TSHZ2: variants seen among roughly 807,000 people sequenced by gnomAD.
TSHZ2 encodes teashirt homolog 2.
A neutral mutation model predicts 74.4 loss-of-function variants in TSHZ2; 21 were observed. The observed-to-expected ratio is 0.28, with a 90% CI of 0.20 to 0.41. The LOEUF (loss-of-function observed/expected upper bound fraction) is 0.41. TSHZ2 is among the 10% of genes least tolerant of loss of function. The pLI, the probability that TSHZ2 is intolerant of heterozygous loss-of-function variation, is 1.00. For synonymous variants in TSHZ2, 540 were observed against 515.3 expected, an observed-to-expected ratio of 1.05 and a Z score of -0.65; for missense variants, 1,244 against 1,293.5, an observed-to-expected ratio of 0.96 and a Z score of 0.59.
chr20:53,226,785 C>T (rs1989696575), intron 1 of TSHZ2, among the ~76,000 whole-genome samples: 1 of 152,016 alleles, frequency 6.6e-6, no homozygotes, highest in South Asian at 2.1e-4. Flanking sequence ...CCAGTAGCAC[C>T]CCCATTCCTA....
chr20:53,371,032 C>T lies in TSHZ2; in HGVS notation c.*8+114461C>T, dbSNP rs544195767. ...GGTGTTCCTTGGGTTGCGGCCGCAT[C>T]GCTCCAGCTTCTGCTTCCTTGTTCA... On this transcript the variant is annotated intron_variant, in intron 2 of 2. Coordinates refer to ENST00000371497, the MANE Select transcript of TSHZ2 (RefSeq NM_173485.6). Among the ~76,000 whole-genome samples, 20 of 152,308 alleles carry T rather than the reference C, an allele frequency of 1.3e-4. No homozygotes were observed. In the South Asian group the frequency reaches 4.1e-3, roughly 32 times the overall value.
intron 1 of TSHZ2, among the ~76,000 whole-genome samples, chr20:53,053,342 C>T (rs1984537293): frequency 6.6e-6 from 1 of 151,980 alleles, no homozygotes; most frequent in Admixed American, 6.6e-5. Flanking sequence ...ACTTTTGTTC[C>T]TTGCCAATGA....
chr20:53,217,423 C>A (rs1042012218), intron 1 of TSHZ2, among the ~76,000 whole-genome samples: 1 of 152,074 alleles, frequency 6.6e-6, no homozygotes, highest in Non-Finnish European at 1.5e-5. Flanking sequence ...ATGTGGCTCA[C>A]AAGCAGAAAG....
intron 1 of TSHZ2, among the ~76,000 whole-genome samples, chr20:53,021,226 C>T (rs1257111952): frequency 6.6e-6 from 1 of 152,078 alleles, no homozygotes; most frequent in Non-Finnish European, 1.5e-5. Context: ...ATAACTGAAC[C>T]ACTTTGGATT....
chr20:53,046,480 A>G (rs1030055812), intron 1 of TSHZ2, among the ~76,000 whole-genome samples: 3 of 152,128 alleles, frequency 2.0e-5, no homozygotes, highest in Non-Finnish European at 4.4e-5. Context: ...TGACAGAGAT[A>G]TTATCACCCT....
At chr20:53,168,559 T>C (rs1988115507) in intron 1 of TSHZ2, 1 of 152,212 alleles carries the variant, frequency 6.6e-6, no homozygotes, top group Non-Finnish European at 1.5e-5. Flanking sequence ...TTCCATGACA[T>C]ACTCTGAAAG....
intron 2 of TSHZ2, among the ~76,000 whole-genome samples, chr20:53,265,025 G>A (rs1990683048): frequency 6.6e-6 from 1 of 152,190 alleles, no homozygotes; most frequent in African/African-American, 2.4e-5. Context: ...CCGAAGGCGA[G>A]AGCAGGCCTG....
rs895751545 is a variant in TSHZ2, at chr20:53,255,068, G to A, written c.1610G>A (p.Ser537Asn). Reference protein sequence around the residue: ...AINKAQNGAPSWSAYPSIHAA... With the variant: ...AINKAQNGAPNWSAYPSIHAA... Reference sequence around the variant, plus strand: ...AACAAAGCCCAAAACGGGGCCCCCAGCTGGAGTGCCTACCCCAGCATCCAC... The same window carrying A: ...AACAAAGCCCAAAACGGGGCCCCCAACTGGAGTGCCTACCCCAGCATCCAC... Residue 537 changes from serine to asparagine, a missense_variant, in exon 2 of 3, where the codon AGC (serine) becomes AAC (asparagine). Physicochemically the swap from Ser to Asn is conservative, Grantham distance 46 (BLOSUM62 1). Transcript: ENST00000371497. The surrounding 1 kb of genome is among the most constrained non-coding windows in gnomAD (Gnocchi z 4.1). 6.2e-7 allele frequency: 1 copy of A among 1,614,158 alleles called. No individual in the cohort carries two copies. The highest frequency in any genetic ancestry group is 8.5e-7 in the Non-Finnish European group (1 of 1,180,024).
At chr20:53,449,683 A>T (rs1984694346) in intron 2 of TSHZ2, among the ~76,000 whole-genome samples, 1 of 152,128 alleles carries the variant, frequency 6.6e-6, no homozygotes, top group South Asian at 2.1e-4. Flanking sequence ...CACATATTAA[A>T]ATCCTACCCC....
chr20:53,439,942 G>A (rs1045954007), intron 2 of TSHZ2, among the ~76,000 whole-genome samples: 1 of 152,152 alleles, frequency 6.6e-6, no homozygotes, highest in Non-Finnish European at 1.5e-5. Context: ...CTCATTTACA[G>A]TTTAAATTAT....
chr20:53,143,579 C>T (rs1453607093), intron 1 of TSHZ2, among the ~76,000 whole-genome samples: 3 of 152,084 alleles, frequency 2.0e-5, no homozygotes, highest in African/African-American at 7.2e-5. Flanking sequence ...GTAGTCCCAG[C>T]TACTCGGGAG....
chr20:52,983,854 C>T (rs1981656468), intron 1 of TSHZ2, among the ~76,000 whole-genome samples: 1 of 152,264 alleles, frequency 6.6e-6, no homozygotes, highest in Admixed American at 6.5e-5. Context: ...TCTCCCTGCG[C>T]GCTCTCCAAG....
At chr20:53,184,473 A>G (rs1988555118) in intron 1 of TSHZ2, among the ~76,000 whole-genome samples, 1 of 152,222 alleles carries the variant, frequency 6.6e-6, no homozygotes, top group Non-Finnish European at 1.5e-5. Context: ...AAATGACAGA[A>G]GCAAAATGTG....
intron 1 of TSHZ2, among the ~76,000 whole-genome samples, chr20:53,154,290 A>C (rs764902800): frequency 8.7e-5 from 13 of 150,150 alleles, no homozygotes; most frequent in Non-Finnish European, 1.6e-4. Flanking sequence ...CTAAGTGACC[A>C]AAAAAAATTT....
At chr20:53,241,232 C>T (rs1462419384) in intron 1 of TSHZ2, among the ~76,000 whole-genome samples, 1 of 152,102 alleles carries the variant, frequency 6.6e-6, no homozygotes, top group African/African-American at 2.4e-5. Context: ...TATCGAAGAC[C>T]TATATATTGA....
intron 2 of TSHZ2, among the ~76,000 whole-genome samples, chr20:53,269,514 G>A (rs1298619126): frequency 2.6e-5 from 4 of 152,166 alleles, no homozygotes; most frequent in Non-Finnish European, 4.4e-5. Flanking sequence ...GCCATGCTTG[G>A]GAAGAACTGC....
chr20:53,169,730 G>A (rs1988148743), intron 1 of TSHZ2, among the ~76,000 whole-genome samples: 1 of 152,170 alleles, frequency 6.6e-6, no homozygotes. Context: ...TCTTCACAGT[G>A]TCAAGAACTC....
At chr20:53,370,483 A>T (rs1443093628) in intron 2 of TSHZ2, among the ~76,000 whole-genome samples, 1 of 152,210 alleles carries the variant, frequency 6.6e-6, no homozygotes, top group African/African-American at 2.4e-5. Flanking sequence ...AAACAAGGCC[A>T]GGCATTGTGG....
chr20:53,137,151 T>A lies in TSHZ2; in HGVS notation c.41-116348T>A, dbSNP rs536786251. Among the ~76,000 whole-genome samples the A allele has an allele frequency of 5.3e-5, 8 of 152,288 alleles. No individual in the cohort carries two copies. The East Asian group carries it at 1.5e-3, about 29-fold the overall frequency. Reference sequence around the variant, plus strand: ...CCACTGTAGTTATCCTGGTTTGCCTTTATCATTGATAGTAACACTTCTGCA... The same window carrying A: ...CCACTGTAGTTATCCTGGTTTGCCTATATCATTGATAGTAACACTTCTGCA... On this transcript the variant is annotated intron_variant, in intron 1 of 2. Transcript: ENST00000371497.
Sources: gnomAD v4.1 joint callset for allele counts (sites outside exome capture counted in the v4.1 genomes callset) on GRCh38, gnomAD v4.1.1 for gene constraint, Gnocchi (gnomAD v3.1) non-coding constraint, MANE v1.5 for transcripts, NCBI Gene and HGNC (gene_info 2026-07-23, HGNC 2026-07-21) for gene names.